ITK: variants seen among roughly 807,000 people sequenced by gnomAD.
ITK encodes the protein tyrosine-protein kinase ITK/TSK.
In ITK, 45 loss-of-function variants were observed where a neutral mutation model predicts 87.6. The ratio of observed to expected loss-of-function variants is 0.51; its 90% CI spans 0.40 to 0.66. ITK has a LOEUF of 0.66. Among genes scored for constraint, ITK ranks in the 30% least tolerant of loss-of-function variants. The probability of loss-of-function intolerance (pLI) is 0.00; values close to 1 mark genes in which losing one functional copy is unlikely to be tolerated. For missense variants in ITK, 605 were observed against 766.3 expected, an observed-to-expected ratio of 0.79 and a Z score of 2.48; for synonymous variants, 303 against 273.6, an observed-to-expected ratio of 1.11 and a Z score of -1.06.
chr5:157,223,155 A>C, intron 6 of ITK, 141 bp downstream of exon 6: 1 of 1,068,572 alleles, frequency 9.4e-7, no homozygotes, highest in South Asian at 1.3e-5. Flanking sequence ...AGGAAGAGGG[A>C]GGAAGAGGAA....
intron 1 of ITK, among the ~76,000 whole-genome samples, chr5:157,187,771 C>A (rs576568347): frequency 1.7e-4 from 26 of 152,080 alleles, no homozygotes; most frequent in African/African-American, 6.3e-4. Context: ...CCTTCCTTGC[C>A]TTTTACAGCT....
chr5:157,190,067 T>C (rs949552543), intron 1 of ITK, among the ~76,000 whole-genome samples: 3 of 152,220 alleles, frequency 2.0e-5, no homozygotes, highest in African/African-American at 7.2e-5. Context: ...AACAGTCTTC[T>C]CAGTTCCTTG....
intron 4 of ITK, 108 bp from the exon 5 acceptor site, chr5:157,217,759 T>G (rs886533985): frequency 1.1e-6 from 1 of 919,044 alleles, no homozygotes. Flanking sequence ...TTTCTTCTGT[T>G]GTTTTCCCTG....
chr5:157,248,635 G>T (rs953012286), intron 15 of ITK, among the ~76,000 whole-genome samples: 2 of 152,176 alleles, frequency 1.3e-5, no homozygotes, highest in Non-Finnish European at 2.9e-5. Context: ...ACAACAAAGG[G>T]TCCATCTTGA....
intron 1 of ITK, among the ~76,000 whole-genome samples, chr5:157,194,326 G>A (rs1051350508): frequency 6.6e-6 from 1 of 152,144 alleles, no homozygotes; most frequent in Non-Finnish European, 1.5e-5. Flanking sequence ...TCCTGGACTT[G>A]TAAACCTGAG....
chr5:157,240,086 T>A lies in ITK; in HGVS notation c.876T>A (p.His292Gln). The part of the protein sequence containing the change: ...VVSENNPCIK[H>Q]YHIKETNDNP... ...GTGAGAACAATCCCTGTATAAAGCATTATCACATCAAGGAAACAAATGACA... is the reference window on the plus strand; with the variant it reads ...GTGAGAACAATCCCTGTATAAAGCAATATCACATCAAGGAAACAAATGACA... Residue 292 changes from histidine (H) to glutamine (Q), a missense_variant, in exon 10 of 17, where the codon CAT becomes CAA. Physicochemically the swap from His to Gln is conservative, Grantham distance 24. This residue lies in a region of ITK where 464 missense variants were observed against 578.0 expected (regional missense o/e 0.80). Transcript: ENST00000422843. 1 of 1,611,788 alleles carries A rather than the reference T, an allele frequency of 6.2e-7. No individual in the cohort carries two copies. The highest frequency in any genetic ancestry group is 1.3e-5 in the African/African-American group (1 of 75,008).
intron 15 of ITK, among the ~76,000 whole-genome samples, chr5:157,247,733 G>A (rs573153620): frequency 6.6e-6 from 1 of 152,214 alleles, no homozygotes; most frequent in Non-Finnish European, 1.5e-5. Context: ...AAACCTGGAT[G>A]AGCTGAAAAC....
At chr5:157,201,490 T>C (rs571671818) in intron 1 of ITK, among the ~76,000 whole-genome samples, 1 of 151,798 alleles carries the variant, frequency 6.6e-6, no homozygotes, top group Non-Finnish European at 1.5e-5. Flanking sequence ...AGAGACAAAA[T>C]TTTACCATGT....
intron 1 of ITK, among the ~76,000 whole-genome samples, chr5:157,202,610 G>T (rs1260078594): frequency 6.6e-6 from 1 of 152,106 alleles, no homozygotes; most frequent in East Asian, 1.9e-4. Flanking sequence ...ATGTGTATAT[G>T]CGTCTTTATG....
Position 157,211,339 on chromosome 5 carries a change from G to A in ITK, c.296G>A (p.Arg99Gln), listed in dbSNP as rs1293136647. 10 of 1,613,876 alleles carry A rather than the reference G, an allele frequency of 6.2e-6. No homozygotes were observed. Among genetic ancestry groups the A allele is most frequent in the African/African-American group, 2.7e-5 (2 of 74,906 alleles). Residue 99 changes from arginine (R) to glutamine (Q), a missense_variant, in exon 3 of 17, where the codon CGG becomes CAG. Physicochemically the swap from Arg to Gln is conservative, Grantham distance 43. This residue lies in a region of ITK where 464 missense variants were observed against 578.0 expected (regional missense o/e 0.80). Coordinates refer to ENST00000422843, the MANE Select transcript of ITK (RefSeq NM_005546.4). ...LYVFAPDRES[R>Q]QRWVLALKEE... ...GTGTTTGCTCCAGATCGTGAGAGCCGGCAGCGCTGGGTGCTGGCCCTTAAA... is the reference window on the plus strand; with the variant it reads ...GTGTTTGCTCCAGATCGTGAGAGCCAGCAGCGCTGGGTGCTGGCCCTTAAA...
intron 8 of ITK, among the ~76,000 whole-genome samples, chr5:157,233,758 A>G (rs913439711): frequency 2.0e-5 from 3 of 151,686 alleles, no homozygotes; most frequent in African/African-American, 7.3e-5. Context: ...TTAAACAAGT[A>G]TAGTTTTGTT....
intron 1 of ITK, among the ~76,000 whole-genome samples, chr5:157,207,742 T>A (rs1014767715): frequency 6.6e-6 from 1 of 152,150 alleles, no homozygotes; most frequent in Non-Finnish European, 1.5e-5. Context: ...CCATCCCTTG[T>A]CTATTTGGCA....
chr5:157,239,052 C>T (rs1032228508), intron 9 of ITK, among the ~76,000 whole-genome samples: 7 of 152,130 alleles, frequency 4.6e-5, no homozygotes, highest in African/African-American at 1.7e-4. Context: ...GTGTACATCA[C>T]AGAGGGGCCG....
intron 4 of ITK, among the ~76,000 whole-genome samples, chr5:157,217,055 G>A (rs1403913229): frequency 6.6e-6 from 1 of 152,106 alleles, no homozygotes; most frequent in East Asian, 1.9e-4. Context: ...TGAAGTCTGT[G>A]CAGTGCCTCC....
intron 11 of ITK, among the ~76,000 whole-genome samples, chr5:157,242,718 CA>C (rs1754935922): frequency 2.6e-5 from 4 of 152,202 alleles, no homozygotes; most frequent in Non-Finnish European, 5.9e-5. Flanking sequence ...CTCAGCCTCC[CA>C]AAGTGTTGGG....
At chr5:157,218,031 T>C in intron 5 of ITK, 124 bp downstream of exon 5, 1 of 898,978 alleles carries the variant, frequency 1.1e-6, no homozygotes, top group South Asian at 1.3e-5. Flanking sequence ...CAGGCTGTCA[T>C]GATTCAGCAG....
chr5:157,238,042 G>A, intron 8 of ITK, 67 bp from the exon 9 acceptor site: 5 of 1,187,848 alleles, frequency 4.2e-6, no homozygotes, highest in South Asian at 2.5e-5. Flanking sequence ...GGGCAAGAAA[G>A]TGGAGCTGGA....
intron 1 of ITK, among the ~76,000 whole-genome samples, chr5:157,187,919 C>A (rs1418847898): frequency 6.6e-6 from 1 of 151,998 alleles, no homozygotes; most frequent in East Asian, 1.9e-4. Context: ...TCTGCCTCAA[C>A]CTCCTGAGTT....
intron 2 of ITK, among the ~76,000 whole-genome samples, chr5:157,209,240 G>A (rs370624772): frequency 1.3e-5 from 2 of 151,674 alleles, no homozygotes; most frequent in East Asian, 1.9e-4. Flanking sequence ...GCTGAGACAG[G>A]AGAATTGTTT....
Sources: gnomAD v4.1 joint callset for allele counts (sites outside exome capture counted in the v4.1 genomes callset) on GRCh38, gnomAD v4.1.1 for gene constraint, gnomAD v4.1.1 regional missense constraint, MANE v1.5 for transcripts, NCBI Gene and HGNC (gene_info 2026-07-23, HGNC 2026-07-21) for gene names.